PRKAR1B: variants seen among roughly 807,000 people sequenced by gnomAD.
PRKAR1B encodes protein kinase cAMP-dependent type I regulatory subunit beta.
A neutral mutation model predicts 46.5 loss-of-function variants in PRKAR1B; 22 were observed. The observed-to-expected ratio is 0.47, with a 90% CI of 0.34 to 0.68. PRKAR1B has a LOEUF of 0.68. Among genes scored for constraint, PRKAR1B ranks in the 30% least tolerant of loss-of-function variants. PRKAR1B has a pLI of 0.01. For missense variants in PRKAR1B, 445 were observed against 535.6 expected (o/e 0.83, Z 1.67); for synonymous variants, 259 against 217.7 (o/e 1.19, Z -1.67).
intron 4 of PRKAR1B, among the ~76,000 whole-genome samples, chr7:625,723 G>A (rs1481392922): frequency 1.3e-5 from 2 of 152,188 alleles, no homozygotes; most frequent in Non-Finnish European, 2.9e-5. Flanking sequence ...AAAACTCTAT[G>A]AGACCAGGCA....
intron 1 of PRKAR1B, among the ~76,000 whole-genome samples, chr7:721,942 G>A (rs993384958): frequency 6.6e-6 from 1 of 152,066 alleles, no homozygotes; most frequent in Non-Finnish European, 1.5e-5. Context: ...CTCTCTGTCA[G>A]TTAGTACTTT....
At chr7:720,449 A>C (rs1781034361) in intron 1 of PRKAR1B, among the ~76,000 whole-genome samples, 1 of 152,238 alleles carries the variant, frequency 6.6e-6, no homozygotes, top group Non-Finnish European at 1.5e-5. Context: ...CTAGAAAATA[A>C]TGTGAATTCT....
At chr7:695,079 A>G (rs78210312) in intron 2 of PRKAR1B, among the ~76,000 whole-genome samples, 4,913 of 151,794 alleles carry the variant, frequency 0.032, 298 homozygotes, top group African/African-American at 0.11. Flanking sequence ...ATGAATGAGC[A>G]AATGAACAAA....
At chr7:687,621 G>T (rs566508137) in intron 2 of PRKAR1B, among the ~76,000 whole-genome samples, 5 of 152,292 alleles carry the variant, frequency 3.3e-5, no homozygotes, top group African/African-American at 7.2e-5. Context: ...CCAGATGGAG[G>T]GGAGAGAATA....
At chr7:629,762 C>T (rs1783627486) in intron 4 of PRKAR1B, among the ~76,000 whole-genome samples, 1 of 95,348 alleles carries the variant, frequency 1.0e-5, no homozygotes. Context: ...CTGGAAAACG[C>T]TGCAGGAGCG....
intron 4 of PRKAR1B, among the ~76,000 whole-genome samples, chr7:671,184 C>A (rs1583394752): frequency 6.6e-6 from 1 of 152,216 alleles, no homozygotes; most frequent in African/African-American, 2.4e-5. Context: ...TCCGTCCCTC[C>A]GTTGCCTTCA....
intron 7 of PRKAR1B, among the ~76,000 whole-genome samples, chr7:588,595 CGGTGGTGATGGT>C (rs1166410850): frequency 0.011 from 255 of 23,780 alleles, 5 homozygotes; most frequent in African/African-American, 0.034. Context: ...GTGGTGATGA[CGGTGGTGATGGT>C]GATGGTGGTG....
chr7:584,467 G>T, intron 8 of PRKAR1B, 41 bp downstream of exon 8: 1 of 1,592,216 alleles, frequency 6.3e-7, no homozygotes, highest in Non-Finnish European at 8.6e-7. Flanking sequence ...CAGGCGCCCA[G>T]ATGTCGGGAC....
chr7:650,337 C>T (rs572210957), intron 4 of PRKAR1B, among the ~76,000 whole-genome samples: 170 of 152,314 alleles, frequency 1.1e-3, no homozygotes, highest in Non-Finnish European at 1.9e-3. Context: ...TGCTGGAAAA[C>T]CACAGCCCCC....
intron 7 of PRKAR1B, among the ~76,000 whole-genome samples, chr7:588,441 G>GTGGTGA (rs753439912): frequency 2.4e-5 from 3 of 123,752 alleles, no homozygotes; most frequent in Admixed American, 8.4e-5. Context: ...GATAGTGACA[G>GTGGTGA]TGGTGATGGT....
chr7:627,677 AGG>A (rs1462640379), intron 4 of PRKAR1B, among the ~76,000 whole-genome samples: 6 of 152,102 alleles, frequency 3.9e-5, no homozygotes, highest in Non-Finnish European at 7.4e-5. Context: ...AACACCCCCC[AGG>A]GTGGGCAGGG....
chr7:710,552 G>A (rs562085666), intron 2 of PRKAR1B, among the ~76,000 whole-genome samples: 1 of 152,252 alleles, frequency 6.6e-6, no homozygotes, highest in East Asian at 1.9e-4. Context: ...ACGTGCCGAA[G>A]GGTACTTTCC....
At chr7:587,800 A>AGGAAGGGAGATGGATTGCTGT (rs1780683857) in intron 7 of PRKAR1B, among the ~76,000 whole-genome samples, 1 of 152,172 alleles carries the variant, frequency 6.6e-6, no homozygotes, top group South Asian at 2.1e-4. Flanking sequence ...CAGAGGATGA[A>AGGAAGGGAGATGGATTGCTGT]GGAAGGGAGA....
intron 2 of PRKAR1B, 23 bp from the exon 3 acceptor site, chr7:680,749 G>C: frequency 6.2e-7 from 1 of 1,613,478 alleles, no homozygotes; most frequent in Non-Finnish European, 8.5e-7. Flanking sequence ...GGAAAACACA[G>C]AAAGGAAGTA....
chr7:579,277 G>A lies in PRKAR1B; in HGVS notation c.870C>T (p.Asp290=), dbSNP rs538507508. ...TCACCTCCGTGATGATGTAAAAGTC[G>A]TCCCCAGGCTCTCCCTGGACCACAA... ...EKIVVQGEPG[D]DFYIITEGTA... is the part of the protein sequence containing the mutation. The change falls in exon 9 of 11, where the codon GAC becomes GAT. Residue 290 remains aspartate, a synonymous_variant. Coordinates refer to ENST00000537384, the MANE Select transcript of PRKAR1B (RefSeq NM_001164760.2). 61 of 1,614,130 alleles carry A rather than the reference G, an allele frequency of 3.8e-5. No homozygotes were observed. The highest frequency in any genetic ancestry group is 2.8e-4 in the African/African-American group (21 of 75,040).
Position 550,478 on chromosome 7 carries a change from G to C in PRKAR1B, c.1098C>G (p.Leu366=). 2 of 1,597,916 alleles carry C rather than the reference G, an allele frequency of 1.3e-6. No homozygotes were observed. Among genetic ancestry groups the C allele is most frequent in the Non-Finnish European group, 8.5e-7 (1 of 1,172,786 alleles). The change falls in exon 11 of 11, where the codon CTC becomes CTG. Residue 366 remains leucine, a synonymous_variant. Coordinates refer to ENST00000537384, the MANE Select transcript of PRKAR1B (RefSeq NM_001164760.2). The part of the protein sequence containing the change: ...ERVLGPCSEI[L]KRNIQRYNSF... ...TGTTGTAACGCTGAATGTTCCTCTT[G>C]AGGATCTCAGAGCAGGGCCCCAGCA...
intron 6 of PRKAR1B, among the ~76,000 whole-genome samples, chr7:596,516 C>T (rs555912637): frequency 1.9e-3 from 284 of 152,332 alleles, no homozygotes; most frequent in African/African-American, 6.6e-3. Flanking sequence ...CTGAGAGCCA[C>T]GGTGGGACAG....
At chr7:605,174 C>T (rs1048665159) in intron 6 of PRKAR1B, among the ~76,000 whole-genome samples, 1 of 152,232 alleles carries the variant, frequency 6.6e-6, no homozygotes, top group Non-Finnish European at 1.5e-5. Flanking sequence ...ACACCAAGGC[C>T]CTGGGGCCGC....
At chr7:581,879 C>G (rs927824696) in intron 8 of PRKAR1B, among the ~76,000 whole-genome samples, 4 of 152,140 alleles carry the variant, frequency 2.6e-5, no homozygotes, top group African/African-American at 9.7e-5. Context: ...CCACACCCGG[C>G]TAACTTTTTA....
Sources: gnomAD v4.1 joint callset for allele counts (sites outside exome capture counted in the v4.1 genomes callset) on GRCh38, gnomAD v4.1.1 for gene constraint, MANE v1.5 for transcripts, NCBI Gene and HGNC (gene_info 2026-07-23, HGNC 2026-07-21) for gene names.